Variants in SORCS2 observed in about 807,000 individuals in gnomAD.
The protein encoded by SORCS2 is sortilin related VPS10 domain containing receptor 2, also known as VPS10 domain-containing receptor SorCS2.
SORCS2 carries 100 observed loss-of-function variants against 141.6 expected under a neutral mutation model. The ratio of observed to expected loss-of-function variants is 0.71; its 90% CI spans 0.60 to 0.83. SORCS2 has a LOEUF of 0.83. Ranked by LOEUF, SORCS2 falls within the 40% of genes least tolerant of loss-of-function variation. SORCS2 has a pLI of 0.00. For missense variants in SORCS2, 1,646 were observed against 1,560.2 expected (o/e 1.05, Z -0.93); for synonymous variants, 789 against 676.9 (o/e 1.17, Z -2.57).
At chr4:7,687,587 A>G (rs1339182772) in intron 10 of SORCS2, among the ~76,000 whole-genome samples, 1 of 152,172 alleles carries the variant, frequency 6.6e-6, no homozygotes, top group African/African-American at 2.4e-5. Flanking sequence ...TGTGGTATTC[A>G]GCTCCGGGCT....
intron 2 of SORCS2, among the ~76,000 whole-genome samples, chr4:7,520,085 A>G (rs1266688854): frequency 6.6e-6 from 1 of 152,160 alleles, no homozygotes; most frequent in African/African-American, 2.4e-5. Flanking sequence ...TGGGGGCTGT[A>G]GGGTGGCGCT....
chr4:7,697,196 AG>A lies in SORCS2; in HGVS notation c.1592del. ...AGTACTGCCCCTTTTCTTTTGGACC[AG>A]GTAACCTGGGCTCACAGCTGGTGGA... On this transcript the variant is annotated splice_acceptor_variant, in intron 11 of 26. Transcript: ENST00000507866. LOFTEE classifies it high-confidence loss of function. The A allele has an allele frequency of 6.3e-7, 1 of 1,577,586 alleles. No homozygotes were observed. The highest frequency in any genetic ancestry group is 8.6e-7 in the Non-Finnish European group (1 of 1,161,488).
intron 2 of SORCS2, among the ~76,000 whole-genome samples, chr4:7,471,440 A>G (rs1577619220): frequency 6.6e-6 from 1 of 152,222 alleles, no homozygotes; most frequent in Admixed American, 6.5e-5. Context: ...GTGGCTGTCC[A>G]GGCCCTAATT....
chr4:7,353,434 G>T (rs1187698843), intron 1 of SORCS2, among the ~76,000 whole-genome samples: 2 of 152,242 alleles, frequency 1.3e-5, no homozygotes, highest in African/African-American at 4.8e-5. Context: ...AGAGGTGGGA[G>T]GTTCAGCCTG....
At chr4:7,500,804 C>T (rs547922007) in intron 2 of SORCS2, among the ~76,000 whole-genome samples, 1 of 152,210 alleles carries the variant, frequency 6.6e-6, no homozygotes, top group Admixed American at 6.5e-5. Context: ...GGAGCCTCAG[C>T]GACCTCCATG....
chr4:7,457,849 T>G (rs1729019693), intron 2 of SORCS2, among the ~76,000 whole-genome samples: 1 of 152,172 alleles, frequency 6.6e-6, no homozygotes, highest in Non-Finnish European at 1.5e-5. Flanking sequence ...GGGGTTTTAG[T>G]TTTTTGAGCT....
At chr4:7,438,019 C>G (rs1727421311) in intron 2 of SORCS2, among the ~76,000 whole-genome samples, 1 of 152,240 alleles carries the variant, frequency 6.6e-6, no homozygotes, top group Non-Finnish European at 1.5e-5. Context: ...AGGACATTCT[C>G]TCATAACCAC....
At chr4:7,293,177 A>C (rs1272633525) in intron 1 of SORCS2, among the ~76,000 whole-genome samples, 4 of 151,956 alleles carry the variant, frequency 2.6e-5, no homozygotes, top group Non-Finnish European at 5.9e-5. Flanking sequence ...GGTGGCGGGC[A>C]CCTGTAGTCC....
intron 3 of SORCS2, among the ~76,000 whole-genome samples, chr4:7,618,122 G>A (rs574576606): frequency 5.3e-5 from 8 of 152,014 alleles, no homozygotes; most frequent in Non-Finnish European, 1.2e-4. Context: ...CTGATTCATC[G>A]CGTTGCCATC....
At chr4:7,221,111 A>C (rs1287628899) in intron 1 of SORCS2, among the ~76,000 whole-genome samples, 6 of 152,228 alleles carry the variant, frequency 3.9e-5, no homozygotes, top group Non-Finnish European at 7.3e-5. Flanking sequence ...TTTGCCCTTC[A>C]TACTCACAGA....
chr4:7,635,571 G>A (rs1373857555), intron 3 of SORCS2, among the ~76,000 whole-genome samples: 2 of 152,160 alleles, frequency 1.3e-5, no homozygotes, highest in African/African-American at 2.4e-5. Flanking sequence ...CCGTGTCAGC[G>A]TGGTATGTAC....
intron 5 of SORCS2, among the ~76,000 whole-genome samples, chr4:7,658,057 G>A (rs1397400316): frequency 1.3e-5 from 2 of 151,930 alleles, no homozygotes; most frequent in Non-Finnish European, 1.5e-5. Flanking sequence ...GAGTGAGTCT[G>A]ATTGAGCAAA....
chr4:7,223,985 A>C (rs946484247), intron 1 of SORCS2, among the ~76,000 whole-genome samples: 2 of 152,242 alleles, frequency 1.3e-5, no homozygotes, highest in Admixed American at 6.5e-5. Context: ...TGGCTGTTGC[A>C]TATTATTAAT....
chr4:7,598,620 C>T (rs888229263), intron 3 of SORCS2, among the ~76,000 whole-genome samples: 3 of 152,158 alleles, frequency 2.0e-5, no homozygotes, highest in Non-Finnish European at 2.9e-5. Context: ...GAAGAGGAGG[C>T]GGGTGGTGGC....
intron 3 of SORCS2, among the ~76,000 whole-genome samples, chr4:7,601,785 G>T (rs975015878): frequency 6.6e-6 from 1 of 152,096 alleles, no homozygotes; most frequent in Non-Finnish European, 1.5e-5. Context: ...GTGAACAAAG[G>T]TCTCTGGTTT....
At chr4:7,235,020 A>G (rs956402502) in intron 1 of SORCS2, among the ~76,000 whole-genome samples, 1 of 152,224 alleles carries the variant, frequency 6.6e-6, no homozygotes, top group African/African-American at 2.4e-5. Flanking sequence ...CGAGTTGGGC[A>G]CAGGGTGGAA....
At chr4:7,476,060 C>T (rs1279913252) in intron 2 of SORCS2, among the ~76,000 whole-genome samples, 2 of 152,178 alleles carry the variant, frequency 1.3e-5, no homozygotes, top group Non-Finnish European at 2.9e-5. Context: ...CTCTCGCTGG[C>T]CTATACCCAG....
At chr4:7,295,435 G>A (rs1169755431) in intron 1 of SORCS2, among the ~76,000 whole-genome samples, 2 of 152,022 alleles carry the variant, frequency 1.3e-5, no homozygotes, top group East Asian at 3.9e-4. Flanking sequence ...AAGAGCCCCT[G>A]GCTTGGTGCC....
chr4:7,425,336 T>TC (rs1560273821), intron 2 of SORCS2, among the ~76,000 whole-genome samples: 1 of 152,210 alleles, frequency 6.6e-6, no homozygotes, highest in East Asian at 1.9e-4. Flanking sequence ...GCAAGAGACG[T>TC]CCCCTTGAGA....
Sources: gnomAD v4.1 joint callset for allele counts (sites outside exome capture counted in the v4.1 genomes callset) on GRCh38, gnomAD v4.1.1 for gene constraint, MANE v1.5 for transcripts, NCBI Gene and HGNC (gene_info 2026-07-23, HGNC 2026-07-21) for gene names.